Variants in HHAT observed in about 807,000 individuals in gnomAD.
HHAT encodes hedgehog acyltransferase.
A neutral mutation model predicts 70.8 loss-of-function variants in HHAT; 47 were observed. The ratio of observed to expected loss-of-function variants is 0.66; its 90% CI spans 0.53 to 0.85. The LOEUF (loss-of-function observed/expected upper bound fraction) is 0.85, where lower values mean the gene tolerates loss of function less well. HHAT is among the 40% of genes least tolerant of loss of function. The pLI, the probability that HHAT is intolerant of heterozygous loss-of-function variation, is 0.00. For missense variants in HHAT, 609 were observed against 604.8 expected, an observed-to-expected ratio of 1.01 and a Z score of -0.07; for synonymous variants, 228 against 247.6, an observed-to-expected ratio of 0.92 and a Z score of 0.74.
intron 2 of HHAT, among the ~76,000 whole-genome samples, chr1:210,359,014 C>G (rs756982115): frequency 2.6e-5 from 4 of 152,166 alleles, no homozygotes; most frequent in Non-Finnish European, 4.4e-5. Context: ...AATCAGGACT[C>G]ATCAGCAGAA....
intron 9 of HHAT, among the ~76,000 whole-genome samples, chr1:210,557,222 TA>T (rs1329163476): frequency 6.6e-6 from 1 of 152,230 alleles, no homozygotes; most frequent in East Asian, 1.9e-4. Flanking sequence ...CAACACTTGC[TA>T]AACTGCTGGA....
intron 8 of HHAT, among the ~76,000 whole-genome samples, chr1:210,494,086 C>T (rs1235991778): frequency 6.6e-6 from 1 of 152,206 alleles, no homozygotes; most frequent in Non-Finnish European, 1.5e-5. Context: ...ATTGAGCTCA[C>T]TCTTGGCTTA....
intron 9 of HHAT, among the ~76,000 whole-genome samples, chr1:210,537,028 G>T (rs1035759260): frequency 4.7e-5 from 7 of 150,204 alleles, no homozygotes; most frequent in Admixed American, 1.3e-4. Flanking sequence ...AAAAGAAGGT[G>T]TAAAAAAAAA....
intron 11 of HHAT, among the ~76,000 whole-genome samples, chr1:210,670,483 C>T (rs1340848613): frequency 2.0e-5 from 3 of 152,180 alleles, no homozygotes; most frequent in Non-Finnish European, 4.4e-5. Flanking sequence ...CTCTGAAGGC[C>T]TCCAGGGAGG....
At chr1:210,522,632 A>G (rs548173107) in intron 9 of HHAT, among the ~76,000 whole-genome samples, 1 of 152,338 alleles carries the variant, frequency 6.6e-6, no homozygotes, top group African/African-American at 2.4e-5. Flanking sequence ...GAGGAAAAGA[A>G]TAAGACGCAC....
At chr1:210,597,918 C>T (rs1483507433) in intron 10 of HHAT, among the ~76,000 whole-genome samples, 2 of 151,318 alleles carry the variant, frequency 1.3e-5, no homozygotes, top group Non-Finnish European at 2.9e-5. Context: ...GCTACCACAA[C>T]AGGGAATGTG....
intron 1 of HHAT, among the ~76,000 whole-genome samples, chr1:210,344,125 C>G (rs2086287318): frequency 6.6e-6 from 1 of 152,150 alleles, no homozygotes; most frequent in South Asian, 2.1e-4. Flanking sequence ...ACTGTGCTGT[C>G]AAGTGGAGAC....
At chr1:210,411,475 T>C (rs1249106435) in intron 6 of HHAT, among the ~76,000 whole-genome samples, 1 of 152,174 alleles carries the variant, frequency 6.6e-6, no homozygotes, top group African/African-American at 2.4e-5. Context: ...TTGAGCAGGT[T>C]GGGCACAGTG....
chr1:210,512,072 G>A (rs140574708), intron 8 of HHAT, among the ~76,000 whole-genome samples: 243 of 152,238 alleles, frequency 1.6e-3, no homozygotes, highest in African/African-American at 5.6e-3. Flanking sequence ...TACCAGTTTC[G>A]TGGTGTCAGG....
At chr1:210,543,210 TG>T (rs1327525556) in intron 9 of HHAT, among the ~76,000 whole-genome samples, 2 of 152,136 alleles carry the variant, frequency 1.3e-5, no homozygotes, top group Non-Finnish European at 1.5e-5. Flanking sequence ...TTCATAAATG[TG>T]GGTTAACAGA....
intron 10 of HHAT, among the ~76,000 whole-genome samples, chr1:210,609,044 A>C (rs1280910148): frequency 6.6e-6 from 1 of 152,148 alleles, no homozygotes; most frequent in Non-Finnish European, 1.5e-5. Context: ...AGCATGGGGG[A>C]AACTAGCCCC....
At chr1:210,496,027 AAAAG>A (rs1196378071) in intron 8 of HHAT, among the ~76,000 whole-genome samples, 1 of 146,524 alleles carries the variant, frequency 6.8e-6, no homozygotes, top group African/African-American at 2.5e-5. Flanking sequence ...AAAAAAAAAA[AAAAG>A]AAAAAGAAAA....
intron 11 of HHAT, among the ~76,000 whole-genome samples, chr1:210,666,167 C>T (rs1043433217): frequency 9.2e-5 from 14 of 152,324 alleles, no homozygotes; most frequent in Admixed American, 5.9e-4. Flanking sequence ...GAGTGCTGCC[C>T]AGCCTGACAG....
chr1:210,494,321 T>C (rs1435597478), intron 8 of HHAT, among the ~76,000 whole-genome samples: 2 of 152,022 alleles, frequency 1.3e-5, no homozygotes, highest in Non-Finnish European at 2.9e-5. Context: ...AGGAGGCTAT[T>C]GAAGTGGAAG....
At chr1:210,456,834 T>G (rs1447721070) in intron 7 of HHAT, among the ~76,000 whole-genome samples, 2 of 152,202 alleles carry the variant, frequency 1.3e-5, no homozygotes, top group African/African-American at 4.8e-5. Flanking sequence ...TCCTTTTGCT[T>G]CTTTAGCCCC....
At chr1:210,605,856 T>A (rs1665290949) in intron 10 of HHAT, among the ~76,000 whole-genome samples, 1 of 149,998 alleles carries the variant, frequency 6.7e-6, no homozygotes, top group Non-Finnish European at 1.5e-5. Flanking sequence ...TCATTTATGT[T>A]TTTTTTTTTC....
At chr1:210,644,400 C>T (rs1217884529) in intron 11 of HHAT, among the ~76,000 whole-genome samples, 3 of 151,910 alleles carry the variant, frequency 2.0e-5, no homozygotes, top group African/African-American at 4.8e-5. Context: ...GTCAGGAGTT[C>T]GAGACCAGCC....
At chr1:210,403,614 T>C (rs1268154868) in intron 5 of HHAT, among the ~76,000 whole-genome samples, 2 of 152,218 alleles carry the variant, frequency 1.3e-5, no homozygotes, top group Non-Finnish European at 2.9e-5. Context: ...TTTTTCTGTG[T>C]ACAGCTTTAA....
chr1:210,494,241 C>A (rs1373152571), intron 8 of HHAT, among the ~76,000 whole-genome samples: 1 of 152,090 alleles, frequency 6.6e-6, no homozygotes, highest in Non-Finnish European at 1.5e-5. Flanking sequence ...AGTGATGTGT[C>A]TTGGGTCTTT....
Sources: allele counts gnomAD v4.1 joint callset (sites outside exome capture counted in the v4.1 genomes callset), GRCh38; gene constraint gnomAD v4.1.1; transcripts MANE v1.5; gene names NCBI Gene and HGNC (gene_info 2026-07-23, HGNC 2026-07-21).